The following VPS35L variants were observed in gnomAD, a reference collection of about 807,000 sequenced individuals.
The protein encoded by VPS35L is VPS35 endosomal protein-sorting factor-like.
A neutral mutation model predicts 133.0 loss-of-function variants in VPS35L; 83 were observed. The ratio of observed to expected loss-of-function variants is 0.62; its 90% CI spans 0.52 to 0.75. The LOEUF is 0.75. Among genes scored for constraint, VPS35L ranks in the 30% least tolerant of loss-of-function variants. The pLI is 0.00. For synonymous variants in VPS35L, 423 were observed against 449.9 expected (o/e 0.94, Z 0.76); for missense variants, 1,083 against 1,206.8 (o/e 0.90, Z 1.52).
intron 26 of VPS35L, among the ~76,000 whole-genome samples, chr16:19,657,774 G>T (rs1974354384): frequency 6.6e-6 from 1 of 152,188 alleles, no homozygotes; most frequent in African/African-American, 2.4e-5. Flanking sequence ...GTCAAGAATG[G>T]CTTGTGAAGG....
At chr16:19,575,219 T>A in intron 5 of VPS35L, 97 bp downstream of exon 5, 1 of 1,145,238 alleles carries the variant, frequency 8.7e-7, no homozygotes, top group South Asian at 1.3e-5. Context: ...ATGATTCTGA[T>A]GTTTGATTCA....
chr16:19,601,620 C>G (rs1972386258), intron 8 of VPS35L, 44 bp from the exon 9 acceptor site: 5 of 1,590,936 alleles, frequency 3.1e-6, no homozygotes, highest in Non-Finnish European at 4.3e-6. Flanking sequence ...ACTGTTTGCT[C>G]CTGAAGAGTG....
intron 27 of VPS35L, among the ~76,000 whole-genome samples, chr16:19,678,892 C>T (rs1975157788): frequency 1.3e-5 from 2 of 152,120 alleles, no homozygotes; most frequent in African/African-American, 4.8e-5. Flanking sequence ...CGGTTGTGAG[C>T]AAAAGCTCAC....
chr16:19,557,289 C>T (rs961853418), intron 1 of VPS35L, among the ~76,000 whole-genome samples: 3 of 152,152 alleles, frequency 2.0e-5, no homozygotes, highest in African/African-American at 4.8e-5. Flanking sequence ...ACATTTCTAC[C>T]TTTGGAATTT....
intron 14 of VPS35L, among the ~76,000 whole-genome samples, chr16:19,620,644 A>G (rs1264388293): frequency 6.6e-6 from 1 of 152,084 alleles, no homozygotes. Flanking sequence ...TACACTTACT[A>G]TGTACCCTCA....
At chr16:19,599,185 T>G (rs1182325197) in intron 8 of VPS35L, among the ~76,000 whole-genome samples, 1 of 152,212 alleles carries the variant, frequency 6.6e-6, no homozygotes, top group African/African-American at 2.4e-5. Context: ...GGAGCAGTGC[T>G]TCTCATACTC....
chr16:19,624,228 ACCTCAG>A (rs895247642), intron 14 of VPS35L, among the ~76,000 whole-genome samples: 18 of 136,232 alleles, frequency 1.3e-4, no homozygotes, highest in African/African-American at 5.0e-4. Flanking sequence ...TGATCCTCCC[ACCTCAG>A]CCTCCTGAGT....
intron 8 of VPS35L, among the ~76,000 whole-genome samples, chr16:19,600,593 C>T (rs12448855): frequency 1.5e-4 from 23 of 151,966 alleles, no homozygotes; most frequent in African/African-American, 5.1e-4. Flanking sequence ...TTGAGTACCC[C>T]CTGTGTGCCA....
chr16:19,682,878 A>AAGG lies in VPS35L; in HGVS notation c.2527+488_2527+489insAGG, dbSNP rs1317671900. Among the ~76,000 whole-genome samples, 447 of 152,232 alleles carry AAGG rather than the reference A, an allele frequency of 2.9e-3. 4 individuals carry two copies. Among genetic ancestry groups the AAGG allele is most frequent in the Middle Eastern group, 0.024 (7 of 294 alleles). ...AACACCATCCCAAAAAGGAAAAAAA[A>AAGG]GAGTACAGATTCTTCAGCCCCATCC... On this transcript the variant is annotated intron_variant, in intron 28 of 30. Coordinates refer to ENST00000417362, the MANE Select transcript of VPS35L (RefSeq NM_020314.7).
intron 7 of VPS35L, among the ~76,000 whole-genome samples, chr16:19,587,085 C>T (rs994305423): frequency 5.4e-5 from 8 of 148,624 alleles, no homozygotes; most frequent in East Asian, 2.2e-4. Flanking sequence ...CATAGCAGAG[C>T]AGGAGAGAGA....
intron 6 of VPS35L, 47 bp downstream of exon 6, chr16:19,579,175 T>G: frequency 1.3e-6 from 2 of 1,563,836 alleles, no homozygotes; most frequent in Non-Finnish European, 1.8e-6. Flanking sequence ...AGCTTTTCCT[T>G]CCTCCTGCCA....
At position 19,659,971 on chromosome 16, in the gene VPS35L, T is replaced by A. The variant is rs921964911; in HGVS notation, c.2221+7881T>A. On this transcript the variant is annotated intron_variant, in intron 26 of 30. Transcript: ENST00000417362. ...ATGATTTTTATAGCCAGAACCCTGC[T>A]TTACTAATACACATTCAAGAGATGG... Among the ~76,000 whole-genome samples the A allele has an allele frequency of 3.9e-5, 6 of 152,188 alleles. 1 individual carries two copies. The South Asian group carries it at 1.2e-3, about 31-fold the overall frequency.
At chr16:19,625,959 C>T (rs1973248341) in intron 14 of VPS35L, among the ~76,000 whole-genome samples, 2 of 152,068 alleles carry the variant, frequency 1.3e-5, no homozygotes, top group African/African-American at 4.8e-5. Context: ...TAGGTGCGAG[C>T]CACTGTACCC....
At chr16:19,647,601 G>C (rs1973990774) in intron 23 of VPS35L, among the ~76,000 whole-genome samples, 183 bp from the exon 24 acceptor site, 2 of 152,128 alleles carry the variant, frequency 1.3e-5, no homozygotes, top group Admixed American at 6.5e-5. Context: ...GTTTCCTTCA[G>C]AGTCTGGAAA....
intron 2 of VPS35L, 137 bp from the exon 3 acceptor site, chr16:19,569,287 C>T: frequency 2.1e-6 from 2 of 935,984 alleles, no homozygotes; most frequent in Non-Finnish European, 3.4e-6. Context: ...AACTAAGCAT[C>T]CCCTGCAGAT....
chr16:19,700,276 T>C, intron 30 of VPS35L, 102 bp from the exon 31 acceptor site: 3 of 1,030,726 alleles, frequency 2.9e-6, no homozygotes, highest in Non-Finnish European at 4.4e-6. Context: ...CTCACTCTTC[T>C]CTGCTAAGAA....
At chr16:19,561,372 AAAAAT>A (rs1190441719) in intron 1 of VPS35L, among the ~76,000 whole-genome samples, 8 of 152,168 alleles carry the variant, frequency 5.3e-5, no homozygotes, top group Non-Finnish European at 4.4e-5. Context: ...CTCTGCCTCA[AAAAAT>A]AAAATAAAAT....
At chr16:19,579,326 CT>C (rs1214026965) in intron 6 of VPS35L, 198 bp downstream of exon 6, 1 of 537,468 alleles carries the variant, frequency 1.9e-6, no homozygotes, top group East Asian at 3.0e-5. Context: ...ACTGGGGCTG[CT>C]TTTCTAGAGG....
chr16:19,575,303 A>T lies in VPS35L; in HGVS notation c.433+181A>T, dbSNP rs1208383560. Among the ~76,000 whole-genome samples the T allele has an allele frequency of 2.0e-5, 3 of 152,356 alleles. No individual in the cohort carries two copies. The East Asian group carries it at 5.8e-4, about 29-fold the overall frequency. ...CATATTTAGAGCATGAATTAAAAAA[A>T]TACCAAATACCAGCACTTTGGGAGG... On this transcript the variant is annotated intron_variant, in intron 5 of 30. Coordinates refer to ENST00000417362, the MANE Select transcript of VPS35L (RefSeq NM_020314.7).
Sources: allele counts gnomAD v4.1 joint callset (sites outside exome capture counted in the v4.1 genomes callset), GRCh38; gene constraint gnomAD v4.1.1; transcripts MANE v1.5; gene names NCBI Gene and HGNC (gene_info 2026-07-23, HGNC 2026-07-21).